The following LINGO2 variants were observed in gnomAD, a reference collection of about 807,000 sequenced individuals.
LINGO2 encodes leucine rich repeat and Ig domain containing 2.
Under a neutral mutation model 30.6 loss-of-function variants are expected in LINGO2, and 14 were observed. The ratio of observed to expected loss-of-function variants is 0.46; its 90% CI spans 0.30 to 0.72. The LOEUF is 0.72. Ranked by LOEUF, LINGO2 falls within the 30% of genes least tolerant of loss-of-function variation. LINGO2 has a pLI of 0.07. For synonymous variants in LINGO2, 317 were observed against 288.5 expected (o/e 1.10, Z -1.00); for missense variants, 729 against 751.7 (o/e 0.97, Z 0.35).
At chr9:29,068,359 A>T in the LINGO2 span, among the ~76,000 whole-genome samples, 4 of 151,798 alleles carry the variant, frequency 2.6e-5, no homozygotes, top group Admixed American at 2.0e-4. Flanking sequence ...GTAACAATGT[A>T]TTTTGCAGGT....
chr9:28,133,507 T>A (rs1211872830), intron 4 of LINGO2, among the ~76,000 whole-genome samples: 1 of 152,164 alleles, frequency 6.6e-6, no homozygotes, highest in Non-Finnish European at 1.5e-5. Context: ...CAGATAGTAT[T>A]TAAGATTCAA....
At chr9:28,058,613 C>T (rs533212913) in intron 4 of LINGO2, among the ~76,000 whole-genome samples, 1 of 152,092 alleles carries the variant, frequency 6.6e-6, no homozygotes, top group Non-Finnish European at 1.5e-5. Context: ...GTTATACAAA[C>T]ACCAATGAAC....
the LINGO2 span, among the ~76,000 whole-genome samples, chr9:28,996,713 A>G: frequency 3.3e-3 from 503 of 152,350 alleles, 3 homozygotes; most frequent in South Asian, 0.017. Flanking sequence ...AGATTTATCA[A>G]GGAAGGGATT....
intron 3 of LINGO2, among the ~76,000 whole-genome samples, chr9:28,361,486 C>T (rs185279025): frequency 8.3e-4 from 127 of 152,108 alleles, no homozygotes; most frequent in African/African-American, 3.0e-3. Context: ...TGATATTTTT[C>T]ATCTTATTCT....
At chr9:28,313,832 T>C (rs139458551) in intron 3 of LINGO2, among the ~76,000 whole-genome samples, 8 of 152,326 alleles carry the variant, frequency 5.3e-5, no homozygotes, top group Admixed American at 2.0e-4. Context: ...TGGTACTTTG[T>C]ATGTGTCTCT....
At chr9:29,123,303 A>T in the LINGO2 span, among the ~76,000 whole-genome samples, 1 of 152,074 alleles carries the variant, frequency 6.6e-6, no homozygotes, top group African/African-American at 2.4e-5. Flanking sequence ...CTTGCTATAC[A>T]CTTAAACACC....
At chr9:28,210,680 G>A (rs1414286877) in intron 4 of LINGO2, among the ~76,000 whole-genome samples, 1 of 151,686 alleles carries the variant, frequency 6.6e-6, no homozygotes, top group African/African-American at 2.4e-5. Context: ...AGAGAGAGAA[G>A]AGAGAAGAAA....
chr9:28,312,384 C>T (rs1587446566), intron 3 of LINGO2, among the ~76,000 whole-genome samples: 1 of 150,608 alleles, frequency 6.6e-6, no homozygotes, highest in Non-Finnish European at 1.5e-5. Context: ...AGAGGGTGGT[C>T]AAGGAAAATA....
the LINGO2 span, among the ~76,000 whole-genome samples, chr9:29,012,214 T>C: frequency 7.9e-5 from 12 of 152,104 alleles, no homozygotes; most frequent in Admixed American, 3.3e-4. Context: ...AGAAGTTAGC[T>C]GGTCGTGGTG....
At chr9:28,024,515 G>T (rs906117591) in intron 4 of LINGO2, among the ~76,000 whole-genome samples, 2 of 152,158 alleles carry the variant, frequency 1.3e-5, no homozygotes, top group African/African-American at 4.8e-5. Flanking sequence ...TGATGGAACA[G>T]GGCCAGTAGC....
At chr9:28,860,778 C>T in the LINGO2 span, among the ~76,000 whole-genome samples, 1 of 148,610 alleles carries the variant, frequency 6.7e-6, no homozygotes, top group Non-Finnish European at 1.5e-5. Flanking sequence ...AATGATGATG[C>T]AAAAGCAATT....
chr9:28,178,156 T>C (rs955526683), intron 4 of LINGO2, among the ~76,000 whole-genome samples: 7 of 152,106 alleles, frequency 4.6e-5, no homozygotes, highest in African/African-American at 1.4e-4. Flanking sequence ...TGGCAAAACA[T>C]TGTCTATCTG....
the LINGO2 span, among the ~76,000 whole-genome samples, chr9:28,982,560 A>G: frequency 6.6e-6 from 1 of 152,014 alleles, no homozygotes; most frequent in Non-Finnish European, 1.5e-5. Flanking sequence ...AAAATAAGGT[A>G]TCATATTTAT....
At chr9:28,796,882 A>G in the LINGO2 span, among the ~76,000 whole-genome samples, 1 of 151,638 alleles carries the variant, frequency 6.6e-6, no homozygotes, top group African/African-American at 2.4e-5. Context: ...TGTTTGAGAT[A>G]TATTTTAGTA....
the LINGO2 span, among the ~76,000 whole-genome samples, chr9:28,973,922 C>T: frequency 6.6e-6 from 1 of 152,104 alleles, no homozygotes; most frequent in Non-Finnish European, 1.5e-5. Flanking sequence ...AAGAAACGAA[C>T]ATTAATGAGC....
At chr9:28,732,325 TATC>T in the LINGO2 span, among the ~76,000 whole-genome samples, 4 of 150,816 alleles carry the variant, frequency 2.7e-5, no homozygotes, top group South Asian at 8.4e-4. Flanking sequence ...CTTTTATAAA[TATC>T]ATACAACAGG....
chr9:28,559,323 C>T (rs1178123868), intron 1 of LINGO2, among the ~76,000 whole-genome samples: 3 of 152,110 alleles, frequency 2.0e-5, no homozygotes, highest in Non-Finnish European at 2.9e-5. Context: ...TCTGAAATGT[C>T]TTCAAATTGC....
chr9:29,212,066 AGTG>A, the LINGO2 span, among the ~76,000 whole-genome samples: 1 of 152,084 alleles, frequency 6.6e-6, no homozygotes, highest in African/African-American at 2.4e-5. Flanking sequence ...GCGAAAGGAG[AGTG>A]GAGGAGAAAG....
At chr9:28,038,483 G>A (rs1389580381) in intron 4 of LINGO2, among the ~76,000 whole-genome samples, 3 of 152,114 alleles carry the variant, frequency 2.0e-5, no homozygotes, top group African/African-American at 7.2e-5. Context: ...CACGAGGTCA[G>A]GAGATCGAGA....
Sources: gnomAD v4.1 joint callset for allele counts (sites outside exome capture counted in the v4.1 genomes callset) on GRCh38, gnomAD v4.1.1 for gene constraint, MANE v1.5 for transcripts, NCBI Gene and HGNC (gene_info 2026-07-23, HGNC 2026-07-21) for gene names.